Variants in CNTN5 observed in about 807,000 individuals in gnomAD.
CNTN5 encodes the protein contactin-5.
CNTN5 carries 77 observed loss-of-function variants against 129.1 expected under a neutral mutation model. The observed-to-expected ratio is 0.60, with a 90% CI of 0.50 to 0.72. CNTN5 has a LOEUF of 0.72. Among genes scored for constraint, CNTN5 ranks in the 30% least tolerant of loss-of-function variants. CNTN5 has a pLI of 0.00. For missense variants in CNTN5, 1,478 were observed against 1,328.8 expected (o/e 1.11, Z -1.75); for synonymous variants, 509 against 465.6 (o/e 1.09, Z -1.20).
chr11:99,855,170 G>C (rs978192714), intron 6 of CNTN5, among the ~76,000 whole-genome samples: 2 of 151,996 alleles, frequency 1.3e-5, no homozygotes, highest in African/African-American at 4.8e-5. Flanking sequence ...TCAGCCAGAC[G>C]TGGCAGTTTG....
chr11:99,250,797 G>A (rs1438631657), intron 1 of CNTN5, among the ~76,000 whole-genome samples: 1 of 151,838 alleles, frequency 6.6e-6, no homozygotes, highest in African/African-American at 2.4e-5. Flanking sequence ...TCATTTACAA[G>A]TCACTTATTC....
At chr11:99,310,973 C>A (rs1865088639) in intron 1 of CNTN5, among the ~76,000 whole-genome samples, 1 of 151,996 alleles carries the variant, frequency 6.6e-6, no homozygotes. Flanking sequence ...GCTTTGTCAC[C>A]CATGCCGGAA....
chr11:99,244,003 T>C (rs1591409106), intron 1 of CNTN5, among the ~76,000 whole-genome samples: 1 of 152,118 alleles, frequency 6.6e-6, no homozygotes, highest in African/African-American at 2.4e-5. Context: ...CTTTGAAAAA[T>C]GAAATTGGTA....
intron 3 of CNTN5, among the ~76,000 whole-genome samples, chr11:99,676,343 G>A (rs1953282262): frequency 1.3e-5 from 2 of 152,190 alleles, no homozygotes; most frequent in African/African-American, 4.8e-5. Context: ...AAGTATCACA[G>A]TGGAGCAATA....
At chr11:99,378,326 C>G (rs993097995) in intron 2 of CNTN5, among the ~76,000 whole-genome samples, 3 of 152,032 alleles carry the variant, frequency 2.0e-5, no homozygotes, top group African/African-American at 7.2e-5. Flanking sequence ...TCATCCTACC[C>G]ACTTTTATTT....
At chr11:99,974,130 T>C (rs918962658) in intron 8 of CNTN5, among the ~76,000 whole-genome samples, 2 of 152,238 alleles carry the variant, frequency 1.3e-5, no homozygotes, top group Non-Finnish European at 2.9e-5. Flanking sequence ...CACCAGCCAC[T>C]ATGCTAAAAG....
At chr11:100,318,863 A>G (rs1056518866) in intron 21 of CNTN5, among the ~76,000 whole-genome samples, 1 of 152,174 alleles carries the variant, frequency 6.6e-6, no homozygotes, top group Non-Finnish European at 1.5e-5. Flanking sequence ...CATTGTAAGA[A>G]TTCTAATTGC....
chr11:100,312,227 T>C (rs1333930255), intron 21 of CNTN5, among the ~76,000 whole-genome samples: 1 of 152,102 alleles, frequency 6.6e-6, no homozygotes, highest in East Asian at 1.9e-4. Context: ...AAACATGACA[T>C]TAACTGTTAT....
At chr11:99,479,082 A>G (rs1427747066) in intron 2 of CNTN5, among the ~76,000 whole-genome samples, 5 of 152,110 alleles carry the variant, frequency 3.3e-5, no homozygotes, top group African/African-American at 9.6e-5. Context: ...AAAACAATGG[A>G]TTAAAATTCA....
intron 3 of CNTN5, among the ~76,000 whole-genome samples, chr11:99,700,904 C>G (rs190355967): frequency 6.6e-6 from 1 of 151,254 alleles, no homozygotes; most frequent in African/African-American, 2.4e-5. Flanking sequence ...AAATGAGTAT[C>G]AAAATGTTCT....
chr11:100,126,348 T>C (rs529167182), intron 13 of CNTN5, among the ~76,000 whole-genome samples: 1 of 152,138 alleles, frequency 6.6e-6, no homozygotes, highest in African/African-American at 2.4e-5. Flanking sequence ...AATTCACTTG[T>C]TAATTTTGTA....
chr11:99,915,440 A>G (rs1949763481), intron 6 of CNTN5, among the ~76,000 whole-genome samples: 1 of 152,112 alleles, frequency 6.6e-6, no homozygotes, highest in African/African-American at 2.4e-5. Flanking sequence ...GTTAACTAAT[A>G]CTCCCAGACT....
intron 8 of CNTN5, among the ~76,000 whole-genome samples, chr11:99,966,205 T>C (rs1006746059): frequency 3.3e-5 from 5 of 152,218 alleles, no homozygotes; most frequent in African/African-American, 1.2e-4. Flanking sequence ...ATAAGGGACA[T>C]ATGCAAAGGC....
intron 3 of CNTN5, among the ~76,000 whole-genome samples, chr11:99,645,125 T>C (rs1343848415): frequency 7.0e-6 from 1 of 142,822 alleles, no homozygotes; most frequent in Non-Finnish European, 1.6e-5. Flanking sequence ...CCAGGCGTGA[T>C]GCTGGGTTCC....
intron 3 of CNTN5, among the ~76,000 whole-genome samples, chr11:99,733,415 A>G (rs1327135175): frequency 6.6e-6 from 1 of 151,710 alleles, no homozygotes; most frequent in African/African-American, 2.4e-5. Context: ...TTTCTCCACA[A>G]AGTTCTTGAA....
chr11:99,300,781 A>C (rs549762221), intron 1 of CNTN5, among the ~76,000 whole-genome samples: 65 of 152,146 alleles, frequency 4.3e-4, no homozygotes, highest in African/African-American at 1.5e-3. Context: ...ACAGAAGTAC[A>C]TATGAAGAAA....
At chr11:99,918,990 T>G (rs1301529468) in intron 7 of CNTN5, among the ~76,000 whole-genome samples, 1 of 152,114 alleles carries the variant, frequency 6.6e-6, no homozygotes, top group East Asian at 1.9e-4. Flanking sequence ...AGGTTCAGCT[T>G]AGATTGTGCA....
At chr11:99,269,895 A>G (rs186836215) in intron 1 of CNTN5, among the ~76,000 whole-genome samples, 31 of 151,990 alleles carry the variant, frequency 2.0e-4, no homozygotes, top group Non-Finnish European at 2.9e-4. Flanking sequence ...ATGTTATTCA[A>G]TTTGGTAGTT....
chr11:99,921,045 A>C (rs1378886158), intron 7 of CNTN5, among the ~76,000 whole-genome samples: 1 of 152,170 alleles, frequency 6.6e-6, no homozygotes, highest in African/African-American at 2.4e-5. Context: ...TCTGCAAACC[A>C]GAAAGAAAGC....
Sources: gnomAD v4.1 joint callset for allele counts (sites outside exome capture counted in the v4.1 genomes callset) on GRCh38, gnomAD v4.1.1 for gene constraint, MANE v1.5 for transcripts, NCBI Gene and HGNC (gene_info 2026-07-23, HGNC 2026-07-21) for gene names.